The following MSRA variants were observed in gnomAD, a reference collection of about 807,000 sequenced individuals.
The protein encoded by MSRA is mitochondrial peptide methionine sulfoxide reductase.
In MSRA, 54 loss-of-function variants were observed where a neutral mutation model predicts 31.3. The observed-to-expected ratio is 1.73, with a 90% CI of 1.39 to 2.17. The LOEUF is 2.17. Ranked by LOEUF, MSRA falls within the 30% of genes most tolerant of loss-of-function variation. The pLI, the probability that MSRA is intolerant of heterozygous loss-of-function variation, is 0.00. For synonymous variants in MSRA, 169 were observed against 116.5 expected (o/e 1.45, Z -2.90); for missense variants, 507 against 300.9 (o/e 1.69, Z -5.07).
chr8:10,381,110 C>A (rs1253051027), intron 5 of MSRA, among the ~76,000 whole-genome samples: 1 of 152,132 alleles, frequency 6.6e-6, no homozygotes, highest in Non-Finnish European at 1.5e-5. Flanking sequence ...GCTTCTGTGG[C>A]TTCTGAAGAG....
chr8:10,112,954 C>A (rs1800393220), intron 1 of MSRA, among the ~76,000 whole-genome samples: 1 of 152,110 alleles, frequency 6.6e-6, no homozygotes, highest in African/African-American at 2.4e-5. Flanking sequence ...CCTGACCACC[C>A]CGTCTAACAT....
intron 5 of MSRA, among the ~76,000 whole-genome samples, chr8:10,325,725 T>G (rs1476650956): frequency 6.6e-6 from 1 of 152,254 alleles, no homozygotes; most frequent in African/African-American, 2.4e-5. Flanking sequence ...TAAAAAGTTA[T>G]GTGGTTTCTA....
At chr8:10,321,836 C>A (rs1360800733) in intron 5 of MSRA, among the ~76,000 whole-genome samples, 1 of 152,210 alleles carries the variant, frequency 6.6e-6, no homozygotes, top group Non-Finnish European at 1.5e-5. Flanking sequence ...GATGAGACTG[C>A]AGCCCTGCCT....
At chr8:10,178,481 G>A (rs1199980356) in intron 1 of MSRA, among the ~76,000 whole-genome samples, 1 of 152,192 alleles carries the variant, frequency 6.6e-6, no homozygotes, top group African/African-American at 2.4e-5. Context: ...AAGCAGGAAA[G>A]TAATTGAAAA....
intron 1 of MSRA, among the ~76,000 whole-genome samples, chr8:10,176,100 T>C (rs1258144123): frequency 2.0e-5 from 3 of 152,238 alleles, no homozygotes; most frequent in Non-Finnish European, 2.9e-5. Context: ...CTATTAGATC[T>C]GTAATAATGG....
At chr8:10,278,474 C>G (rs1799442739) in intron 3 of MSRA, among the ~76,000 whole-genome samples, 1 of 152,212 alleles carries the variant, frequency 6.6e-6, no homozygotes, top group African/African-American at 2.4e-5. Context: ...GGTCATACAG[C>G]TTTCCTTCTG....
chr8:10,185,552 C>T (rs1806966397), intron 1 of MSRA, among the ~76,000 whole-genome samples: 1 of 152,116 alleles, frequency 6.6e-6, no homozygotes, highest in Non-Finnish European at 1.5e-5. Flanking sequence ...GAGGAATGCT[C>T]AAGGGTGTCT....
chr8:10,197,629 A>T (rs375500760), intron 1 of MSRA, among the ~76,000 whole-genome samples: 7 of 152,140 alleles, frequency 4.6e-5, no homozygotes, highest in African/African-American at 1.7e-4. Flanking sequence ...TGAAATGCAG[A>T]TCCCCAGGCC....
At chr8:10,369,686 C>T (rs1016100327) in intron 5 of MSRA, among the ~76,000 whole-genome samples, 15 of 152,166 alleles carry the variant, frequency 9.9e-5, no homozygotes, top group African/African-American at 2.4e-4. Flanking sequence ...ATTATTAATA[C>T]GGGATAGGTA....
intron 1 of MSRA, among the ~76,000 whole-genome samples, chr8:10,151,514 T>G (rs1803677503): frequency 6.6e-6 from 1 of 151,908 alleles, no homozygotes; most frequent in African/African-American, 2.4e-5. Context: ...GCCGGGCGTG[T>G]TGGCAGGTGC....
At chr8:10,244,809 C>T (rs190307180) in intron 2 of MSRA, among the ~76,000 whole-genome samples, 33 of 151,970 alleles carry the variant, frequency 2.2e-4, no homozygotes, top group Non-Finnish European at 4.6e-4. Flanking sequence ...AATAGTTACC[C>T]CCTTACTGTG....
intron 5 of MSRA, among the ~76,000 whole-genome samples, chr8:10,389,037 A>C (rs994421475): frequency 9.9e-5 from 15 of 152,154 alleles, no homozygotes; most frequent in African/African-American, 3.6e-4. Flanking sequence ...TGGAACGCTA[A>C]GCTTGTGGGA....
At chr8:10,401,103 A>T (rs886423660) in intron 5 of MSRA, among the ~76,000 whole-genome samples, 1 of 23,982 alleles carries the variant, frequency 4.2e-5, no homozygotes, top group African/African-American at 5.0e-5. Flanking sequence ...TATCAAGAAT[A>T]TAAAAAAAAA....
chr8:10,310,958 T>C (rs1480235759), intron 4 of MSRA, among the ~76,000 whole-genome samples: 1 of 152,248 alleles, frequency 6.6e-6, no homozygotes, highest in African/African-American at 2.4e-5. Context: ...TTTGAAAACT[T>C]TTAGCCAGGA....
At chr8:10,218,114 C>CTATCTATTTATT (rs1554493659) in intron 2 of MSRA, among the ~76,000 whole-genome samples, 2 of 138,756 alleles carry the variant, frequency 1.4e-5, no homozygotes, top group Admixed American at 1.5e-4. Context: ...GGTTCCTTTT[C>CTATCTATTTATT]TATTTATTTA....
intron 1 of MSRA, among the ~76,000 whole-genome samples, chr8:10,077,924 C>T (rs1171075946): frequency 6.6e-6 from 1 of 152,154 alleles, no homozygotes; most frequent in East Asian, 1.9e-4. Context: ...CAAGATGTAT[C>T]TCACAGCATC....
At chr8:10,244,771 A>G (rs1165635064) in intron 2 of MSRA, among the ~76,000 whole-genome samples, 2 of 152,188 alleles carry the variant, frequency 1.3e-5, no homozygotes, top group African/African-American at 2.4e-5. Flanking sequence ...TATTGATTCA[A>G]GTTATGAATT....
intron 1 of MSRA, among the ~76,000 whole-genome samples, chr8:10,158,036 A>G (rs1432374193): frequency 3.3e-5 from 5 of 152,192 alleles, no homozygotes; most frequent in Admixed American, 3.3e-4. Context: ...GAGCCAGCAG[A>G]TTTGGTGTCT....
chr8:10,288,945 G>A (rs1270321989), intron 3 of MSRA, among the ~76,000 whole-genome samples: 2 of 151,074 alleles, frequency 1.3e-5, no homozygotes, highest in African/African-American at 4.9e-5. Flanking sequence ...CAGCCACGGT[G>A]TTTGAAGTGG....
Sources: allele counts gnomAD v4.1 joint callset (sites outside exome capture counted in the v4.1 genomes callset), GRCh38; gene constraint gnomAD v4.1.1; transcripts MANE v1.5; gene names NCBI Gene and HGNC (gene_info 2026-07-23, HGNC 2026-07-21).